STAG2: variants seen among roughly 807,000 people sequenced by gnomAD.
STAG2 encodes the protein STAG2 cohesin complex component, also known as cohesin subunit SA-2.
Under a neutral mutation model 108.1 loss-of-function variants are expected in STAG2, and 14 were observed. The observed-to-expected ratio is 0.13, with a 90% CI of 0.09 to 0.20. The LOEUF is 0.20. Among genes scored for constraint, STAG2 ranks in the 10% least tolerant of loss-of-function variants. The pLI, the probability that STAG2 is intolerant of heterozygous loss-of-function variation, is 1.00. For synonymous variants in STAG2, 307 were observed against 302.7 expected (o/e 1.01, Z -0.15); for missense variants, 440 against 940.9 (o/e 0.47, Z 6.96).
intron 1 of STAG2, among the ~76,000 whole-genome samples, chrX:124,001,360 G>C (rs941260813): frequency 8.1e-5 from 9 of 111,790 alleles, no homozygotes; most frequent in Non-Finnish European, 1.1e-4. Flanking sequence ...AAAGTGCTGA[G>C]ATTACAGGCG....
Position 124,086,780 on chromosome X carries a change from T to A in STAG2, c.3277+10T>A, listed in dbSNP as rs2148467754. The stretch of plus-strand genomic sequence containing the variant: ...ATGCAGCTTTCACTCAGTAAGGATA[T>A]AATTTATTCTCTTTATATTTATCCC... On this transcript the variant is annotated intron_variant, in intron 30 of 34. Transcript: ENST00000371145. The A allele has an allele frequency of 1.8e-6, 2 of 1,122,527 alleles. No individual in the cohort carries two copies. The highest frequency in any genetic ancestry group is 2.4e-6 in the Non-Finnish European group (2 of 834,325). 92.5% of individuals were successfully genotyped at this position (1,122,527 alleles called of 1,213,427 possible). A position where few individuals can be genotyped will look rare whatever the true frequency, so the allele number is the denominator to read the frequency against.
intron 1 of STAG2, among the ~76,000 whole-genome samples, chrX:123,998,592 A>G (rs2055870984): frequency 7.6e-5 from 1 of 13,120 alleles, no homozygotes; most frequent in Non-Finnish European, 1.4e-4. Context: ...CTATCCATCT[A>G]TCTATCTATC....
chrX:124,008,568 G>A (rs1384724071), intron 1 of STAG2, among the ~76,000 whole-genome samples: 2 of 110,673 alleles, frequency 1.8e-5, no homozygotes, highest in African/African-American at 3.3e-5. Context: ...AGTTTCAAAC[G>A]CTTGGGCTCA....
At chrX:124,020,497 A>G (rs1464850547) in intron 1 of STAG2, among the ~76,000 whole-genome samples, 1 of 111,495 alleles carries the variant, frequency 9.0e-6, no homozygotes, top group Non-Finnish European at 1.9e-5. Context: ...TAGGAGGTGA[A>G]TGTGTATCTT....
In STAG2 at chrX:124,059,449, C is replaced by CTT. The variant is rs778443879; in HGVS notation, c.1416+1474_1416+1475dup. On this transcript the variant is annotated intron_variant, in intron 15 of 34. Transcript: ENST00000371145. ...TGAGAATGTTCCCTTTTATTCTTTT[C>CTT]TTTGCTGAAAGTTTCTAACATGAAT... Among the ~76,000 whole-genome samples the CTT allele has an allele frequency of 2.7e-5, 3 of 111,832 alleles. No individual in the cohort carries two copies. In the South Asian group the frequency reaches 1.1e-3, roughly 42 times the overall value.
In STAG2 at chrX:124,037,632, T is replaced by C. The variant is rs2057557748; in HGVS notation, c.385+9T>C. ...GTGTTCAGGCTGTAAAGGTAAGATA[T>C]ATTTATTTTGAAATCAGCAGCTCTC... On this transcript the variant is annotated intron_variant, in intron 6 of 34. Transcript: ENST00000371145. The C allele has an allele frequency of 9.8e-6, 11 of 1,118,087 alleles. No homozygotes were observed. In the East Asian group the frequency reaches 1.6e-4, roughly 16 times the overall value. 92.1% of individuals were successfully genotyped at this position (1,118,087 alleles called of 1,213,427 possible).
At chrX:124,039,380 C>T (rs2057628295) in intron 6 of STAG2, among the ~76,000 whole-genome samples, 2 of 108,580 alleles carry the variant, frequency 1.8e-5, no homozygotes, top group Non-Finnish European at 3.8e-5. Flanking sequence ...TTGCCCAGGC[C>T]GCAAGTGATC....
rs926493474 is a variant in STAG2 at position 123,965,551 on chromosome X, A to T, written c.-163+3695A>T. ...AGATGTGAAAATATGCAGTTTAGTA[A>T]TGCTTAATATTGTGCATGTTTAACT... On this transcript the variant is annotated intron_variant, in intron 1 of 34. Transcript: ENST00000371145. Among the ~76,000 whole-genome samples the T allele has an allele frequency of 3.6e-5, 4 of 111,759 alleles. No homozygotes were observed. The Admixed American group carries it at 3.8e-4, about 11-fold the overall frequency.
chrX:124,046,068 A>G (rs1333124976), intron 8 of STAG2, among the ~76,000 whole-genome samples: 1 of 111,798 alleles, frequency 8.9e-6, no homozygotes, highest in African/African-American at 3.2e-5. Context: ...TTAAGGTAAA[A>G]TTGGTGATAC....
chrX:123,962,734 G>C (rs1465169714), intron 1 of STAG2, among the ~76,000 whole-genome samples: 1 of 111,742 alleles, frequency 8.9e-6, no homozygotes, highest in Non-Finnish European at 1.9e-5. Context: ...TAGATTTAAA[G>C]TAAACGAGGC....
intron 1 of STAG2, among the ~76,000 whole-genome samples, chrX:124,006,675 G>A (rs1203700587): frequency 2.7e-5 from 3 of 110,874 alleles, no homozygotes; most frequent in East Asian, 2.8e-4. Flanking sequence ...TCCTGACCTT[G>A]TGATCCGCCC....
At chrX:123,981,582 G>T (rs2054878376) in intron 1 of STAG2, among the ~76,000 whole-genome samples, 1 of 111,235 alleles carries the variant, frequency 9.0e-6, no homozygotes, top group Non-Finnish European at 1.9e-5. Flanking sequence ...ATACCTTTTG[G>T]CTATTATAGG....
rs1177101640 is a variant in STAG2, at chrX:123,967,256, A to ATTTTT, written c.-163+5422_-163+5426dup. Among the ~76,000 whole-genome samples, 3 of 50,226 alleles carry ATTTTT rather than the reference A, an allele frequency of 6.0e-5. 1 individual carries two copies. Among genetic ancestry groups the ATTTTT allele is most frequent in the Non-Finnish European group, 1.0e-4 (3 of 28,747 alleles). The allele number at this position is 50,226 out of a possible 115,157, so 43.6% of individuals were successfully genotyped here. Reference sequence around the variant, plus strand: ...AGAGGATGAATAATGTCAATGGTGTATTTTTTTTTTTTTTTTTTTTTTTTT... The same window carrying ATTTTT: ...AGAGGATGAATAATGTCAATGGTGTATTTTTTTTTTTTTTTTTTTTTTTTTTTTTT... On this transcript the variant is annotated intron_variant, in intron 1 of 34. Coordinates refer to ENST00000371145, the MANE Select transcript of STAG2 (RefSeq NM_001042750.2).
intron 7 of STAG2, among the ~76,000 whole-genome samples, 174 bp from the exon 8 acceptor site, chrX:124,044,990 T>G (rs2057834226): frequency 1.8e-5 from 2 of 111,712 alleles, no homozygotes; most frequent in African/African-American, 6.5e-5. Context: ...GCTGAAGTGT[T>G]CAGAGGTACC....
intron 13 of STAG2, among the ~76,000 whole-genome samples, chrX:124,052,831 T>C (rs973715131): frequency 2.8e-5 from 3 of 108,382 alleles, no homozygotes; most frequent in Non-Finnish European, 3.8e-5. Context: ...TTTTTTTTTT[T>C]CCTGAGATGG....
rs147492467 is a variant in STAG2, at chrX:123,968,476, G to A, written c.-163+6620G>A. 6.3e-3 allele frequency among the ~76,000 whole-genome samples: 699 copies of A among 111,314 alleles called. 10 individuals are homozygous for A. Among genetic ancestry groups the A allele is most frequent in the African/African-American group, 0.022 (666 of 30,624 alleles). On this transcript the variant is annotated intron_variant, in intron 1 of 34. Coordinates refer to ENST00000371145, the MANE Select transcript of STAG2 (RefSeq NM_001042750.2). The stretch of plus-strand genomic sequence containing the variant: ...GGAGTTTGAGACCATCCTGGGCAAC[G>A]TAGGGAGACCCCATCTCTACAAAAA...
intron 1 of STAG2, among the ~76,000 whole-genome samples, chrX:124,014,747 A>C (rs1268154804): frequency 9.0e-6 from 1 of 110,653 alleles, no homozygotes; most frequent in Non-Finnish European, 1.9e-5. Flanking sequence ...ATCTTCTTAC[A>C]TATGCAGATT....
In STAG2 at chrX:124,097,392, C is replaced by A. The variant is rs755491767; in HGVS notation, c.3783+1943C>A. ...GTTTATGGTTTTCTTGATAATTAAT[C>A]TAACAGTATGTATCATCTTAGTTTG... On this transcript the variant is annotated intron_variant, in intron 34 of 34. Transcript: ENST00000371145. Among the ~76,000 whole-genome samples the A allele has an allele frequency of 3.6e-5, 4 of 110,579 alleles. No homozygotes were observed. In the East Asian group the frequency reaches 1.1e-3, roughly 31 times the overall value.
intron 1 of STAG2, among the ~76,000 whole-genome samples, chrX:124,005,785 G>A (rs1488445860): frequency 9.0e-6 from 1 of 111,359 alleles, no homozygotes. Context: ...GCACAAACTG[G>A]GTGGCTTAAA....
Sources: allele counts gnomAD v4.1 joint callset (sites outside exome capture counted in the v4.1 genomes callset), GRCh38; gene constraint gnomAD v4.1.1; transcripts MANE v1.5; gene names NCBI Gene and HGNC (gene_info 2026-07-23, HGNC 2026-07-21).